C3: variants seen among roughly 807,000 people sequenced by gnomAD.
The protein encoded by C3 is complement C3.
Under a neutral mutation model 207.9 loss-of-function variants are expected in C3, and 97 were observed. That is an observed-to-expected ratio of 0.47 (90% confidence interval 0.40 to 0.55). The LOEUF (loss-of-function observed/expected upper bound fraction) is 0.55, where lower values mean the gene tolerates loss of function less well. Among genes scored for constraint, C3 ranks in the 20% least tolerant of loss-of-function variants. The pLI is 0.00. For synonymous variants in C3, 848 were observed against 857.6 expected (o/e 0.99, Z 0.20); for missense variants, 1,684 against 2,171.7 (o/e 0.78, Z 4.46).
intron 27 of C3, among the ~76,000 whole-genome samples, chr19:6,687,665 C>T (rs1599502000): frequency 2.6e-5 from 4 of 151,990 alleles, no homozygotes; most frequent in Non-Finnish European, 4.4e-5. Flanking sequence ...CTTTGCAGTA[C>T]CACAGTATTA....
chr19:6,678,146 A>G lies in C3; in HGVS notation c.4850+6T>C, dbSNP rs879114238. On this transcript the variant is annotated splice_donor_region_variant and intron_variant, in intron 40 of 40. Transcript: ENST00000245907. ...GGTCGCGCGCACGCGCAGGGAAAGCACTCACTTGGGCTTCTCTCCCCAGAA... is the reference window on the plus strand; with the variant it reads ...GGTCGCGCGCACGCGCAGGGAAAGCGCTCACTTGGGCTTCTCTCCCCAGAA... The G allele has an allele frequency of 2.5e-6, 4 of 1,614,076 alleles. No homozygotes were observed.
intron 19 of C3, among the ~76,000 whole-genome samples, chr19:6,698,877 C>T (rs984827668): frequency 3.3e-5 from 5 of 152,164 alleles, no homozygotes; most frequent in Admixed American, 6.5e-5. Flanking sequence ...TCACTACAAC[C>T]TCTATATCCT....
At chr19:6,715,624 T>TG (rs1968015311) in intron 4 of C3, among the ~76,000 whole-genome samples, 2 of 147,932 alleles carry the variant, frequency 1.4e-5, no homozygotes, top group Admixed American at 1.3e-4. Context: ...TTTTTGTTTT[T>TG]TTTGTTTTTT....
In C3 at chr19:6,711,077, T is replaced by C; in HGVS notation, c.1389A>G (p.Thr463=). The C allele has an allele frequency of 1.2e-6, 2 of 1,614,120 alleles. No homozygotes were observed. Among genetic ancestry groups the C allele is most frequent in the Non-Finnish European group, 8.5e-7 (1 of 1,179,994 alleles). The change falls in exon 12 of 41, where the codon ACA becomes ACG. Residue 463 remains threonine (T), a synonymous_variant. Coordinates refer to ENST00000245907, the MANE Select transcript of C3 (RefSeq NM_000064.4). ...TGAGGGTCTCCCCGGGTCTGAGCTC[T>C]GTACGTAGCACTGAGAGATGCAGGT... ...NNYLHLSVLR[T]ELRPGETLNV... is the part of the protein sequence containing the mutation.
intron 26 of C3, among the ~76,000 whole-genome samples, chr19:6,691,247 T>C (rs768471868): frequency 1.3e-4 from 20 of 152,048 alleles, no homozygotes; most frequent in Non-Finnish European, 2.1e-4. Context: ...AGAGATGGGG[T>C]TTCCCCTGTT....
At chr19:6,717,900 G>C in intron 4 of C3, 194 bp downstream of exon 4, 1 of 670,826 alleles carries the variant, frequency 1.5e-6, no homozygotes. Context: ...CTCTGTGTGT[G>C]TATTGTGTGC....
At chr19:6,697,025 G>C (rs1967547333) in intron 21 of C3, among the ~76,000 whole-genome samples, 2 of 111,444 alleles carry the variant, frequency 1.8e-5, no homozygotes, top group African/African-American at 6.2e-5. Flanking sequence ...CTGGGGAACA[G>C]AGTGAGACTC....
intron 33 of C3, chr19:6,682,694 A>C: frequency 4.8e-6 from 1 of 206,990 alleles, no homozygotes; most frequent in Non-Finnish European, 1.0e-5. Flanking sequence ...AATAAAAGAT[A>C]AGCATCATAA....
At chr19:6,679,972 C>A in intron 36 of C3, 186 bp downstream of exon 36, 1 of 615,424 alleles carries the variant, frequency 1.6e-6, no homozygotes. Context: ...CTCAGATCCC[C>A]TCAGAACCTC....
intron 23 of C3, among the ~76,000 whole-genome samples, 161 bp downstream of exon 23, chr19:6,696,218 A>C (rs1277418119): frequency 2.0e-5 from 3 of 151,470 alleles, no homozygotes; most frequent in African/African-American, 7.3e-5. Context: ...TCAAAAAAAA[A>C]AAAAAAAAAA....
chr19:6,706,871 G>A (rs563178324), intron 17 of C3, among the ~76,000 whole-genome samples: 3 of 108,066 alleles, frequency 2.8e-5, no homozygotes, highest in African/African-American at 4.6e-5. Context: ...CTCCTCAGAC[G>A]GAGGTTTCCT....
intron 23 of C3, 152 bp downstream of exon 23, chr19:6,696,227 A>G: frequency 4.8e-6 from 3 of 618,578 alleles, no homozygotes; most frequent in Non-Finnish European, 8.6e-6. Flanking sequence ...AAAAAAAAAA[A>G]AAATGTAAAA....
At chr19:6,700,516 A>ATATATT (rs1200524672) in intron 19 of C3, among the ~76,000 whole-genome samples, 1 of 26,898 alleles carries the variant, frequency 3.7e-5, no homozygotes, top group Non-Finnish European at 5.2e-5. Context: ...TGTAATATAT[A>ATATATT]ATATATGTAA....
In C3 at chr19:6,712,554, G is replaced by T. The variant is rs1259952876; in HGVS notation, c.1073C>A (p.Thr358Asn). Reference sequence around the variant, plus strand: ...TGGTTTGAAGTACTTGGGTGTCTTGGTGAAGTGGATCTGGTAGGGAGAGGT... The same window carrying T: ...TGGTTTGAAGTACTTGGGTGTCTTGTTGAAGTGGATCTGGTAGGGAGAGGT... Reference protein sequence around the residue: ...IVTSPYQIHFTKTPKYFKPGM... With the variant: ...IVTSPYQIHFNKTPKYFKPGM... Residue 358 changes from threonine to asparagine, a missense_variant, in exon 10 of 41, where the codon ACC becomes AAC. Transcript: ENST00000245907. 1 of 1,614,060 alleles carries T rather than the reference G, an allele frequency of 6.2e-7. No homozygotes were observed. The highest frequency in any genetic ancestry group is 8.5e-7 in the Non-Finnish European group (1 of 1,180,016).
intron 19 of C3, among the ~76,000 whole-genome samples, chr19:6,700,173 T>C (rs900653045): frequency 3.6e-4 from 51 of 141,234 alleles, no homozygotes; most frequent in African/African-American, 1.1e-3. Flanking sequence ...TAATACATAT[T>C]ATATGTTTAC....
chr19:6,710,558 AG>A (rs1384011490), intron 13 of C3, 80 bp downstream of exon 13: 151 of 1,036,814 alleles, frequency 1.5e-4, no homozygotes, highest in Middle Eastern at 1.1e-3. Context: ...GGAGAGAGAG[AG>A]AGAGAGGAGA....
rs749999717 is a variant in C3, at chr19:6,719,304, A to G, written c.174T>C (p.Thr58=). Residue 58 remains threonine, a synonymous_variant, in exon 2 of 41, where the codon ACT becomes ACC. Transcript: ENST00000245907. The surrounding 1 kb of genome is among the most constrained non-coding windows in gnomAD (Gnocchi z 5.4). ...DAQGDVPVTV[T]VHDFPGKKLV... is the part of the protein sequence containing the mutation. ...GTTTTTTGCCTGGGAAGTCGTGGAC[A>G]GTAACAGTGACTGGAACATCCCCTT... 8 of 1,614,070 alleles carry G rather than the reference A, an allele frequency of 5.0e-6. No individual in the cohort carries two copies. The South Asian group carries it at 7.7e-5, about 16-fold the overall frequency.
chr19:6,699,234 TTTTCTTTTC>T (rs1395886715), intron 19 of C3, among the ~76,000 whole-genome samples: 16 of 67,544 alleles, frequency 2.4e-4, no homozygotes, highest in African/African-American at 9.1e-4. Context: ...TTCTCTTTTC[TTTTCTTTTC>T]TTTTTTTTTT....
At chr19:6,708,466 C>T (rs565258605) in intron 14 of C3, among the ~76,000 whole-genome samples, 2 of 151,616 alleles carry the variant, frequency 1.3e-5, no homozygotes, top group Non-Finnish European at 2.9e-5. Context: ...TCTTTTCTTT[C>T]TGTCTTCTTT....
Sources: gnomAD v4.1 joint callset for allele counts (sites outside exome capture counted in the v4.1 genomes callset) on GRCh38, gnomAD v4.1.1 for gene constraint, Gnocchi (gnomAD v3.1) non-coding constraint, MANE v1.5 for transcripts, NCBI Gene and HGNC (gene_info 2026-07-23, HGNC 2026-07-21) for gene names.